The following SYMPK variants were observed in gnomAD, a reference collection of about 807,000 sequenced individuals.
The protein encoded by SYMPK is symplekin.
Under a neutral mutation model 136.4 loss-of-function variants are expected in SYMPK, and 49 were observed. The observed-to-expected ratio is 0.36, with a 90% CI of 0.29 to 0.46. The LOEUF (loss-of-function observed/expected upper bound fraction) is 0.46, where lower values mean the gene tolerates loss of function less well. Among genes scored for constraint, SYMPK ranks in the 20% least tolerant of loss-of-function variants. The probability of loss-of-function intolerance (pLI) is 1.00; values close to 1 mark genes in which losing one functional copy is unlikely to be tolerated. For synonymous variants in SYMPK, 766 were observed against 713.0 expected, an observed-to-expected ratio of 1.07 and a Z score of -1.19; for missense variants, 1,365 against 1,690.0, an observed-to-expected ratio of 0.81 and a Z score of 3.37.
chr19:45,835,321 C>T (rs149343165), intron 10 of SYMPK, 93 bp from the exon 11 acceptor site: 2 of 1,325,048 alleles, frequency 1.5e-6, no homozygotes, highest in African/African-American at 2.9e-5. Flanking sequence ...AATGGCAGTG[C>T]CTAAGACCGA....
At position 45,815,570 on chromosome 19, in the gene SYMPK, C is replaced by T. The variant is rs756188502; in HGVS notation, c.3815G>A (p.Gly1272Glu). ...CCCCCTCGAGCCCCGTCAGCTGTTCCCCTTGGCCTCGGGTTCCCTGGCGTC... is the reference window on the plus strand; with the variant it reads ...CCCCCTCGAGCCCCGTCAGCTGTTCTCCTTGGCCTCGGGTTCCCTGGCGTC... ...AEDAREPEAK[G>E]NS Residue 1272 changes from glycine (G) to glutamate (E), a missense_variant, in exon 27 of 27, where the codon GGG becomes GAG. Gly to Glu is a moderately conservative substitution (Grantham distance 98). This residue lies in a region of SYMPK where 341 missense variants were observed against 270.5 expected (regional missense o/e 1.26). Transcript: ENST00000245934. The T allele has an allele frequency of 1.6e-5, 25 of 1,591,816 alleles. No homozygotes were observed. Among genetic ancestry groups the T allele is most frequent in the Non-Finnish European group, 1.9e-5 (22 of 1,171,390 alleles).
At chr19:45,833,927 G>A (rs1002154421) in intron 11 of SYMPK, among the ~76,000 whole-genome samples, 2 of 151,952 alleles carry the variant, frequency 1.3e-5, no homozygotes, top group East Asian at 1.9e-4. Context: ...CAAGGTGGGC[G>A]GATCACAAGG....
chr19:45,821,262 G>A lies in SYMPK; in HGVS notation c.2893+122C>T. ...GAGGGAGGTGGCTCTCCAGAGCTCT[G>A]AGGTGGGGCTGTGAGTGACAGTCTT... On this transcript the variant is annotated intron_variant, in intron 22 of 26. Transcript: ENST00000245934. This position sits in a 1 kb window ranked among gnomAD's most constrained non-coding sequence, Gnocchi z 4.4. The A allele has an allele frequency of 1.3e-6, 1 of 783,100 alleles. No individual in the cohort carries two copies. Among genetic ancestry groups the A allele is most frequent in the South Asian group, 1.4e-5 (1 of 72,074 alleles). 48.5% of individuals were successfully genotyped at this position (783,100 alleles called of 1,614,324 possible).
chr19:45,831,299 A>ACACG, intron 12 of SYMPK, 85 bp downstream of exon 12: 1 of 1,127,732 alleles, frequency 8.9e-7, no homozygotes, highest in Non-Finnish European at 1.2e-6. Context: ...ACACACGCAC[A>ACACG]CGCACACGCA....
At chr19:45,848,647 C>A in intron 6 of SYMPK, 103 bp downstream of exon 6, 5 of 1,503,680 alleles carry the variant, frequency 3.3e-6, no homozygotes, top group Non-Finnish European at 4.6e-6. Context: ...GCACATCTTG[C>A]CCATAAAGAG....
At chr19:45,824,103 G>A (rs1309322889) in intron 18 of SYMPK, 5 of 511,906 alleles carry the variant, frequency 9.8e-6, no homozygotes, top group African/African-American at 7.8e-5. Flanking sequence ...AGCCCTGGCT[G>A]GGCTGTCCTC....
intron 18 of SYMPK, 64 bp from the exon 19 acceptor site, chr19:45,823,939 C>T: frequency 7.6e-7 from 1 of 1,313,646 alleles, no homozygotes; most frequent in Non-Finnish European, 1.0e-6. Flanking sequence ...CAGGTGTTGC[C>T]CGGCAGGGTG....
intron 5 of SYMPK, among the ~76,000 whole-genome samples, chr19:45,850,072 A>C (rs2146338944): frequency 6.6e-6 from 1 of 152,000 alleles, no homozygotes; most frequent in South Asian, 2.1e-4. Context: ...CAAAAACAAA[A>C]AAAAACAACA....
chr19:45,852,183 G>A, intron 5 of SYMPK, 129 bp downstream of exon 5: 1 of 911,546 alleles, frequency 1.1e-6, no homozygotes, highest in South Asian at 1.4e-5. Context: ...GGGAATCAGT[G>A]TGTATGAGAG....
rs1357655875 is a variant in SYMPK, at chr19:45,821,406, G to A, written c.2871C>T (p.Cys957=). The A allele has an allele frequency of 7.4e-6, 12 of 1,613,804 alleles. No homozygotes were observed. The Admixed American group carries it at 8.3e-5, about 11-fold the overall frequency. Residue 957 remains cysteine (C), a synonymous_variant, in exon 22 of 27, where the codon TGC becomes TGT. Transcript: ENST00000245934. This position sits in a 1 kb window ranked among gnomAD's most constrained non-coding sequence, Gnocchi z 4.4. The part of the protein sequence containing the change: ...IALHNIDSVK[C]DMKSIIKATN... ...CACCTTTGATGATGGATTTCATGTC[G>A]CACTTCACGGAGTCAATGTTGTGTA...
intron 2 of SYMPK, 25 bp downstream of exon 2, chr19:45,854,366 T>C (rs1461354781): frequency 6.2e-7 from 1 of 1,611,056 alleles, no homozygotes; most frequent in African/African-American, 1.3e-5. Context: ...GCTTCCTCAC[T>C]CCAAGCCCTA....
At chr19:45,840,728 A>G (rs1468548287) in intron 9 of SYMPK, among the ~76,000 whole-genome samples, 1 of 151,840 alleles carries the variant, frequency 6.6e-6, no homozygotes, top group Non-Finnish European at 1.5e-5. Context: ...CTGTAATTCC[A>G]GTTACTCAGG....
At chr19:45,823,612 C>T in intron 19 of SYMPK, 140 bp from the exon 20 acceptor site, 1 of 960,224 alleles carries the variant, frequency 1.0e-6, no homozygotes, top group East Asian at 2.6e-5. Context: ...CAATTAGCAC[C>T]ACACTGTTCC....
intron 18 of SYMPK, among the ~76,000 whole-genome samples, chr19:45,824,606 CA>C (rs1279941068): frequency 1.3e-5 from 2 of 152,104 alleles, no homozygotes; most frequent in Non-Finnish European, 2.9e-5. Flanking sequence ...TTCTGTAATC[CA>C]AAAATGTCAG....
chr19:45,837,926 T>C (rs947281356), intron 10 of SYMPK, among the ~76,000 whole-genome samples: 55 of 152,080 alleles, frequency 3.6e-4, no homozygotes, highest in African/African-American at 1.3e-3. Flanking sequence ...TCTGAGGTGC[T>C]CCTGGGACGT....
chr19:45,854,677 T>C lies in SYMPK; in HGVS notation c.-12-170A>G, dbSNP rs140529687. On this transcript the variant is annotated intron_variant, in intron 1 of 26. Coordinates refer to ENST00000245934, the MANE Select transcript of SYMPK (RefSeq NM_004819.3). ...CCCTCCAGGGTCTGTCTCTGGCTTA[T>C]GGATATGTGCACGGGGCCTGTAACT... The C allele has an allele frequency of 4.9e-4, 298 of 608,010 alleles. 2 individuals are homozygous for C. The African/African-American group carries it at 5.0e-3, about 10-fold the overall frequency. The allele number at this position is 608,010 out of a possible 1,614,324, so 37.7% of individuals were successfully genotyped here. A position where few individuals can be genotyped will look rare whatever the true frequency, so the allele number is the denominator to read the frequency against.
At chr19:45,833,359 T>C (rs1179320021) in intron 11 of SYMPK, among the ~76,000 whole-genome samples, 1 of 152,158 alleles carries the variant, frequency 6.6e-6, no homozygotes, top group Non-Finnish European at 1.5e-5. Context: ...CCCAGGACTT[T>C]CGGAGGCCAA....
intron 21 of SYMPK, among the ~76,000 whole-genome samples, chr19:45,822,115 C>CTTTTT (rs141894331): frequency 4.6e-5 from 4 of 86,124 alleles, no homozygotes; most frequent in Non-Finnish European, 6.9e-5. Context: ...AGTTTTGCTT[C>CTTTTT]TTTTTTTTTT....
rs1970968003 is a variant in SYMPK at position 45,823,860 on chromosome 19, T to C, written c.2506A>G (p.Met836Val). Residue 836 changes from methionine to valine, a missense_variant, in exon 19 of 27, where the codon ATG becomes GTG. Met to Val is a conservative substitution (Grantham distance 21). Transcript: ENST00000245934. ...VIEQPIRGMG[M>V]NSPELLLLVE... ...AGCAGGAGCAGCTCCGGGGAGTTCATGCCCATTCCTCGGATCTAGAGGCAG... is the reference window on the plus strand; with the variant it reads ...AGCAGGAGCAGCTCCGGGGAGTTCACGCCCATTCCTCGGATCTAGAGGCAG... 6.2e-7 allele frequency: 1 copy of C among 1,613,970 alleles called. No homozygotes were observed. Among genetic ancestry groups the C allele is most frequent in the Non-Finnish European group, 8.5e-7 (1 of 1,179,946 alleles).
Sources: allele counts gnomAD v4.1 joint callset (sites outside exome capture counted in the v4.1 genomes callset), GRCh38; gene constraint gnomAD v4.1.1; regional missense constraint gnomAD v4.1.1; non-coding constraint Gnocchi (gnomAD v3.1); transcripts MANE v1.5; gene names NCBI Gene and HGNC (gene_info 2026-07-23, HGNC 2026-07-21).